Variants in WRAP53 observed in about 807,000 individuals in gnomAD.
The protein encoded by WRAP53 is WD repeat containing antisense to TP53.
In WRAP53, 28 loss-of-function variants were observed where a neutral mutation model predicts 56.6. The observed-to-expected ratio is 0.50, with a 90% CI of 0.37 to 0.68. WRAP53 has a LOEUF of 0.68. WRAP53 is among the 30% of genes least tolerant of loss of function. The pLI is 0.00. For missense variants in WRAP53, 671 were observed against 715.5 expected (o/e 0.94, Z 0.71); for synonymous variants, 283 against 283.4 (o/e 1.00, Z 0.01).
intron 4 of WRAP53, among the ~76,000 whole-genome samples, chr17:7,692,207 C>T (rs977753859): frequency 4.7e-5 from 7 of 148,516 alleles, no homozygotes; most frequent in Non-Finnish European, 8.9e-5. Flanking sequence ...GGGCCAGGCA[C>T]GGTGGCTCAC....
intron 4 of WRAP53, among the ~76,000 whole-genome samples, chr17:7,695,422 A>C (rs1029992866): frequency 1.4e-4 from 22 of 152,010 alleles, no homozygotes; most frequent in African/African-American, 5.3e-4. Flanking sequence ...CCAGCTCCCC[A>C]GCGTCTTTCC....
At position 7,703,037 on chromosome 17, in the gene WRAP53, C is replaced by T. The variant is rs1337613715; in HGVS notation, c.1313C>T (p.Ser438Phe). The T allele has an allele frequency of 1.4e-5, 22 of 1,613,974 alleles. No individual in the cohort carries two copies. Among genetic ancestry groups the T allele is most frequent in the Non-Finnish European group, 1.9e-5 (22 of 1,180,028 alleles). Residue 438 changes from serine to phenylalanine, a missense_variant, in exon 10 of 11, where the codon TCT (serine) becomes TTT (phenylalanine). Transcript: ENST00000396463. ...AGTGGCAGCACGAGCGGGGCTGTCTCTGTGTGGGACACGGACGGGCCTGGC... is the reference window on the plus strand; with the variant it reads ...AGTGGCAGCACGAGCGGGGCTGTCTTTGTGTGGGACACGGACGGGCCTGGC... ...LVSGSTSGAV[S>F]VWDTDGPGND...
rs1345486472 is a variant in WRAP53 at position 7,688,863 on chromosome 17, C to G, written c.215C>G (p.Pro72Arg). ...TCCCAGGAGCTACGGGAGGGGGACC[C>G]AGTTTCTCTCTCCACTCCCCTGGAA... ...AVSQELREGD[P>R]VSLSTPLETE... is the part of the protein sequence containing the mutation. The change falls in exon 2 of 11, where the codon CCA (proline) becomes CGA (arginine). Residue 72 changes from proline (P) to arginine (R), a missense_variant. Physicochemically the swap from Pro to Arg is moderately radical, Grantham distance 103. Around this residue, in one of 3 missense-constraint regions of WRAP53, gnomAD observed 406 missense variants for 418.5 expected, o/e 0.97. Transcript: ENST00000396463. The G allele has an allele frequency of 2.4e-5, 39 of 1,614,102 alleles. No individual in the cohort carries two copies. The highest frequency in any genetic ancestry group is 3.0e-5 in the Non-Finnish European group (35 of 1,180,054).
At chr17:7,694,944 A>C (rs531614149) in intron 4 of WRAP53, among the ~76,000 whole-genome samples, 32 of 148,962 alleles carry the variant, frequency 2.1e-4, no homozygotes, top group African/African-American at 7.7e-4. Context: ...CAAGCTTAGC[A>C]TTTGAAATAG....
rs1255617679 is a variant in WRAP53 at position 7,701,479 on chromosome 17, A to G, written c.752A>G (p.Glu251Gly). Residue 251 changes from glutamate to glycine, a missense_variant, in exon 6 of 11, where the codon GAG becomes GGG. Physicochemically the swap from Glu to Gly is moderately conservative, Grantham distance 98. This residue lies in a region of WRAP53 where 406 missense variants were observed against 418.5 expected (regional missense o/e 0.97). Coordinates refer to ENST00000396463, the MANE Select transcript of WRAP53 (RefSeq NM_001143992.2). The surrounding 1 kb of genome is among the most constrained non-coding windows in gnomAD (Gnocchi z 4.2). The part of the protein sequence containing the change: ...DTSYVASSSR[E>G]NPIHIWDAFT... ...CTCAGCGTGGCCAGCAGCAGCCGGG[A>G]GAACCCGATTCATATCTGGGACGCA... 3.1e-6 allele frequency: 5 copies of G among 1,614,088 alleles called. No individual in the cohort carries two copies. The Admixed American group carries it at 8.3e-5, about 27-fold the overall frequency.
In WRAP53 at chr17:7,702,342, A is replaced by G; in HGVS notation, c.956-2A>G. 1 of 1,614,066 alleles carries G rather than the reference A, an allele frequency of 6.2e-7. No homozygotes were observed. Among genetic ancestry groups the G allele is most frequent in the Non-Finnish European group, 8.5e-7 (1 of 1,180,014 alleles). On this transcript the variant is annotated splice_acceptor_variant, in intron 7 of 10. Coordinates refer to ENST00000396463, the MANE Select transcript of WRAP53 (RefSeq NM_001143992.2). LOFTEE classifies it high-confidence loss of function. This position sits in a 1 kb window ranked among gnomAD's most constrained non-coding sequence, Gnocchi z 5.0. The stretch of plus-strand genomic sequence containing the variant: ...CCCCCACTTTGTTCCTTCCCTCTCT[A>G]GCAAAAAAGCAGGGCCAGAGCGGCA...
chr17:7,703,198 G>A (rs757546182), intron 10 of WRAP53, 45 bp from the exon 11 acceptor site: 50 of 1,613,088 alleles, frequency 3.1e-5, no homozygotes, highest in Admixed American at 1.3e-4. Flanking sequence ...GGGAGCAAGT[G>A]TCCTCACTGA....
In WRAP53 at chr17:7,701,573, C is replaced by T. The variant is rs375729647; in HGVS notation, c.822+24C>T. On this transcript the variant is annotated intron_variant, in intron 6 of 10. Transcript: ENST00000396463. The surrounding 1 kb of genome is among the most constrained non-coding windows in gnomAD (Gnocchi z 4.2). Reference sequence around the variant, plus strand: ...TGGTAGGGACCGCCATACTCAGCCCCAGCACTCGTACTGGCCCGGCTCTCC... The same window carrying T: ...TGGTAGGGACCGCCATACTCAGCCCTAGCACTCGTACTGGCCCGGCTCTCC... The T allele has an allele frequency of 3.7e-6, 6 of 1,614,122 alleles. No homozygotes were observed. Among genetic ancestry groups the T allele is most frequent in the African/African-American group, 1.3e-5 (1 of 74,950 alleles).
At position 7,689,209 on chromosome 17, in the gene WRAP53, C is replaced by G. The variant is rs771063284; in HGVS notation, c.432-15C>G. The G allele has an allele frequency of 5.0e-6, 8 of 1,613,736 alleles. No individual in the cohort carries two copies. Among genetic ancestry groups the G allele is most frequent in the Non-Finnish European group, 6.8e-6 (8 of 1,179,970 alleles). On this transcript the variant is annotated splice_polypyrimidine_tract_variant and intron_variant, in intron 2 of 10. Transcript: ENST00000396463. ...CTTGGCGACCCAGGTTTATTGTCCC[C>G]CATCTTCCTTTCAGCGCTTGGAACT... is the stretch of plus-strand genomic sequence containing the variant.
At chr17:7,700,907 C>A (rs770755456) in intron 5 of WRAP53, 78 bp downstream of exon 5, 468 of 1,098,830 alleles carry the variant, frequency 4.3e-4, no homozygotes, top group Non-Finnish European at 6.0e-4. Flanking sequence ...TCAAGGGCTG[C>A]CAGGGGTCTT....
intron 4 of WRAP53, among the ~76,000 whole-genome samples, chr17:7,699,476 TTATATATATA>T (rs1299417199): frequency 3.5e-4 from 4 of 11,400 alleles, no homozygotes; most frequent in African/African-American, 1.7e-3. Flanking sequence ...ATATATATAT[TTATATATATA>T]TATATATATA....
intron 4 of WRAP53, among the ~76,000 whole-genome samples, chr17:7,699,537 TATTCCTA>T (rs2074247247): frequency 1.2e-5 from 1 of 80,614 alleles, no homozygotes; most frequent in African/African-American, 4.9e-5. Flanking sequence ...TATATATATA[TATTCCTA>T]AGGAAATGTA....
intron 4 of WRAP53, among the ~76,000 whole-genome samples, chr17:7,690,744 G>A (rs904231722): frequency 1.4e-5 from 2 of 146,382 alleles, no homozygotes; most frequent in African/African-American, 5.1e-5. Flanking sequence ...AAACCCCATC[G>A]CTACTAAAAA....
chr17:7,702,549 C>T lies in WRAP53; in HGVS notation c.1161C>T (p.Arg387=), dbSNP rs1275476657. The part of the protein sequence containing the change: ...PDGNRFFSGA[R]KDAELLCWDL... ...GCAACCGCTTCTTCTCAGGAGCCCG[C>T]AAGGTAGGGGTCACACCCTGAGAGC... Residue 387 remains arginine (R), a synonymous_variant, in exon 8 of 11, where the codon CGC becomes CGT. Coordinates refer to ENST00000396463, the MANE Select transcript of WRAP53 (RefSeq NM_001143992.2). The surrounding 1 kb of genome is among the most constrained non-coding windows in gnomAD (Gnocchi z 5.0). 1.9e-6 allele frequency: 3 copies of T among 1,607,892 alleles called. No homozygotes were observed. The highest frequency in any genetic ancestry group is 1.7e-4 in the Middle Eastern group (1 of 6,010).
upstream of WRAP53, chr17:7,686,369 T>C (rs2073969043): frequency 2.0e-5 from 3 of 152,252 alleles, no homozygotes; most frequent in African/African-American, 4.8e-5. Flanking sequence ...GCTTGCCTTC[T>C]GCACACTTCT....
chr17:7,695,887 G>A (rs1390543743), intron 4 of WRAP53, among the ~76,000 whole-genome samples: 1 of 152,114 alleles, frequency 6.6e-6, no homozygotes, highest in African/African-American at 2.4e-5. Flanking sequence ...TGGGCCTTAT[G>A]TTGCTGAAAC....
chr17:7,702,308 T>C lies in WRAP53; in HGVS notation c.956-36T>C. ...TTAGCCTGGTTAGTGCCAGGAGCCA[T>C]TGCCCCCTCCCCCACTTTGTTCCTT... is the stretch of plus-strand genomic sequence containing the variant. On this transcript the variant is annotated intron_variant, in intron 7 of 10. Transcript: ENST00000396463. This position sits in a 1 kb window ranked among gnomAD's most constrained non-coding sequence, Gnocchi z 5.0. 1.2e-6 allele frequency: 2 copies of C among 1,611,254 alleles called. No individual in the cohort carries two copies. The highest frequency in any genetic ancestry group is 1.7e-6 in the Non-Finnish European group (2 of 1,177,492).
chr17:7,691,571 T>A (rs1038692910), intron 4 of WRAP53, among the ~76,000 whole-genome samples: 6 of 151,716 alleles, frequency 4.0e-5, no homozygotes, highest in East Asian at 2.0e-4. Flanking sequence ...TGTATTTTTT[T>A]AAATAGAGAC....
intron 4 of WRAP53, among the ~76,000 whole-genome samples, chr17:7,690,012 G>A (rs1480437673): frequency 6.6e-6 from 1 of 151,136 alleles, no homozygotes; most frequent in African/African-American, 2.4e-5. Context: ...GCTGTGGTGT[G>A]ATCTCGGCTC....
Sources: allele counts gnomAD v4.1 joint callset (sites outside exome capture counted in the v4.1 genomes callset), GRCh38; gene constraint gnomAD v4.1.1; regional missense constraint gnomAD v4.1.1; non-coding constraint Gnocchi (gnomAD v3.1); transcripts MANE v1.5; gene names NCBI Gene and HGNC (gene_info 2026-07-23, HGNC 2026-07-21).